The following KALRN variants were observed in gnomAD, a reference collection of about 807,000 sequenced individuals.
The protein encoded by KALRN is kalirin.
In KALRN, 70 loss-of-function variants were observed where a neutral mutation model predicts 353.7. That is an observed-to-expected ratio of 0.20 (90% CI 0.16 to 0.24). The LOEUF is 0.24. KALRN is among the 10% of genes least tolerant of loss of function. The probability of loss-of-function intolerance (pLI) is 1.00; values close to 1 mark genes in which losing one functional copy is unlikely to be tolerated. For synonymous variants in KALRN, 1,391 were observed against 1,434.8 expected (o/e 0.97, Z 0.69); for missense variants, 2,791 against 3,756.7 (o/e 0.74, Z 6.72).
chr3:124,244,846 A>AT (rs200792537), intron 3 of KALRN, among the ~76,000 whole-genome samples: 28 of 151,038 alleles, frequency 1.9e-4, no homozygotes, highest in East Asian at 7.8e-4. Context: ...TACATATATA[A>AT]TTTTTTTTTG....
intron 8 of KALRN, among the ~76,000 whole-genome samples, chr3:124,333,543 C>T (rs976177644): frequency 3.3e-5 from 5 of 152,166 alleles, no homozygotes; most frequent in Admixed American, 2.6e-4. Flanking sequence ...CTTACATTGA[C>T]TTCATTTCTG....
intron 33 of KALRN, chr3:124,519,567 A>G (rs900606440): frequency 1.0e-6 from 1 of 985,232 alleles, no homozygotes; most frequent in Admixed American, 6.2e-5. Flanking sequence ...GGGGGAGGGC[A>G]GGGTAAAGGG....
chr3:124,089,032 T>C (rs2060965857), intron 1 of KALRN, among the ~76,000 whole-genome samples: 1 of 150,844 alleles, frequency 6.6e-6, no homozygotes, highest in South Asian at 2.1e-4. Flanking sequence ...TTGTATACTT[T>C]CCATAAAAAG....
At chr3:124,392,553 C>T (rs1052480327) in intron 11 of KALRN, among the ~76,000 whole-genome samples, 11 of 140,694 alleles carry the variant, frequency 7.8e-5, no homozygotes, top group Admixed American at 2.1e-4. Flanking sequence ...TTTTTGGAGA[C>T]AGAGTTTTTT....
intron 9 of KALRN, among the ~76,000 whole-genome samples, chr3:124,344,705 T>C (rs1279464706): frequency 6.6e-6 from 1 of 152,158 alleles, no homozygotes; most frequent in Non-Finnish European, 1.5e-5. Flanking sequence ...ATTTTAATGG[T>C]AGAAATTGGA....
intron 6 of KALRN, among the ~76,000 whole-genome samples, chr3:124,325,028 T>C (rs756410848): frequency 5.9e-5 from 9 of 152,316 alleles, no homozygotes; most frequent in Non-Finnish European, 1.2e-4. Flanking sequence ...TAATAGGAGA[T>C]AGCGGTTAAA....
At chr3:124,289,101 G>C (rs531293804) in intron 5 of KALRN, among the ~76,000 whole-genome samples, 1 of 152,138 alleles carries the variant, frequency 6.6e-6, no homozygotes, top group African/African-American at 2.4e-5. Context: ...ATGGCAGAAG[G>C]CACCACATGT....
At chr3:124,451,101 A>T (rs1267367015) in intron 21 of KALRN, among the ~76,000 whole-genome samples, 1 of 152,162 alleles carries the variant, frequency 6.6e-6, no homozygotes, top group Non-Finnish European at 1.5e-5. Flanking sequence ...ATGAAAGGCA[A>T]ATATAGAAAA....
At chr3:124,518,783 A>G (rs2066911273) in intron 33 of KALRN, 3 of 1,270,858 alleles carry the variant, frequency 2.4e-6, no homozygotes, top group South Asian at 4.1e-5. Context: ...CCCACTCAGA[A>G]CAGCAGGTAC....
intron 34 of KALRN, among the ~76,000 whole-genome samples, chr3:124,588,108 G>A (rs2075397832): frequency 6.6e-6 from 1 of 152,118 alleles, no homozygotes; most frequent in Admixed American, 6.6e-5. Context: ...AGGATAGAAA[G>A]GAAATAGATA....
chr3:124,144,708 A>C (rs968298217), intron 1 of KALRN, among the ~76,000 whole-genome samples: 1 of 147,792 alleles, frequency 6.8e-6, no homozygotes, highest in East Asian at 2.0e-4. Context: ...GCCATTTCTC[A>C]TCCTCCCCTT....
rs2093234393 is a variant in KALRN at position 124,430,773 on chromosome 3, G to A, written c.2827G>A (p.Glu943Lys). ...REHEQFQLAI[E>K]SLFHATSLQK... Reference sequence around the variant, plus strand: ...GCACGAGCAGTTCCAACTGGCCATCGAGGTAACACCCAAATCTGGCTGCAC... The same window carrying A: ...GCACGAGCAGTTCCAACTGGCCATCAAGGTAACACCCAAATCTGGCTGCAC... Residue 943 changes from glutamate (E) to lysine (K), a missense_variant and splice_region_variant, in exon 16 of 60, where the codon GAG becomes AAG. Physicochemically the swap from Glu to Lys is moderately conservative, Grantham distance 56. Transcript: ENST00000682506. The A allele has an allele frequency of 4.3e-6, 7 of 1,613,640 alleles. No homozygotes were observed. The highest frequency in any genetic ancestry group is 5.1e-6 in the Non-Finnish European group (6 of 1,179,844).
Position 124,461,886 on chromosome 3 carries a change from C to G in KALRN, c.3855-4C>G, listed in dbSNP as rs1400447811. 2 of 1,611,292 alleles carry G rather than the reference C, an allele frequency of 1.2e-6. No individual in the cohort carries two copies. Among genetic ancestry groups the G allele is most frequent in the African/African-American group, 2.7e-5 (2 of 74,810 alleles). Reference sequence around the variant, plus strand: ...CAAGTAAAAGCCCATTTGTTTCCTTCTAGATTTATTATGGCTGAACTACTC... The same window carrying G: ...CAAGTAAAAGCCCATTTGTTTCCTTGTAGATTTATTATGGCTGAACTACTC... On this transcript the variant is annotated splice_region_variant and splice_polypyrimidine_tract_variant and intron_variant, in intron 23 of 59. Transcript: ENST00000682506.
chr3:124,352,866 G>A (rs909365902), intron 10 of KALRN, among the ~76,000 whole-genome samples: 5 of 152,130 alleles, frequency 3.3e-5, no homozygotes, highest in Non-Finnish European at 7.3e-5. Context: ...GCCTGTTGTG[G>A]GGTAGGGGGC....
chr3:124,278,868 G>T (rs978959997), intron 5 of KALRN, among the ~76,000 whole-genome samples: 1 of 152,062 alleles, frequency 6.6e-6, no homozygotes, highest in Non-Finnish European at 1.5e-5. Flanking sequence ...GTCTCTGTTT[G>T]GGGTAGGAAG....
At chr3:124,661,960 C>T in intron 45 of KALRN, 32 bp downstream of exon 45, 1 of 1,552,626 alleles carries the variant, frequency 6.4e-7, no homozygotes. Flanking sequence ...TAAGCCCACT[C>T]TCTCCAGGAC....
chr3:124,494,803 G>C (rs192483730), intron 32 of KALRN, among the ~76,000 whole-genome samples: 1 of 152,310 alleles, frequency 6.6e-6, no homozygotes, highest in East Asian at 1.9e-4. Flanking sequence ...AGGTGAATTC[G>C]TTATTTGTGG....
At chr3:124,182,757 G>T (rs559189604) in intron 1 of KALRN, among the ~76,000 whole-genome samples, 2 of 152,250 alleles carry the variant, frequency 1.3e-5, no homozygotes, top group African/African-American at 4.8e-5. Flanking sequence ...GCTTCATCTA[G>T]TGCCTCTTTA....
At chr3:124,650,989 A>G (rs148660570) in intron 38 of KALRN, 51 bp downstream of exon 38, 1 of 1,603,938 alleles carries the variant, frequency 6.2e-7, no homozygotes, top group East Asian at 2.2e-5. Flanking sequence ...AGTGCGGTGG[A>G]CAATGGACAA....
Sources: gnomAD v4.1 joint callset for allele counts (sites outside exome capture counted in the v4.1 genomes callset) on GRCh38, gnomAD v4.1.1 for gene constraint, MANE v1.5 for transcripts, NCBI Gene and HGNC (gene_info 2026-07-23, HGNC 2026-07-21) for gene names.